LEKR1: variants seen among roughly 807,000 people sequenced by gnomAD.
The protein encoded by LEKR1 is leucine, glutamate and lysine rich 1, also known as protein LEKR1.
In LEKR1, 59 loss-of-function variants were observed where a neutral mutation model predicts 72.4. The ratio of observed to expected loss-of-function variants is 0.82; its 90% CI spans 0.66 to 1.01. The LOEUF (loss-of-function observed/expected upper bound fraction) is 1.01, where lower values mean the gene tolerates loss of function less well. Among genes scored for constraint, LEKR1 ranks in the 50% least tolerant of loss-of-function variants. LEKR1 has a pLI of 0.00. For missense variants in LEKR1, 728 were observed against 759.2 expected (o/e 0.96, Z 0.48); for synonymous variants, 257 against 263.2 (o/e 0.98, Z 0.23).
In LEKR1 at chr3:157,017,948, CAAAAAAAAA is replaced by C. The variant is rs58950224; in HGVS notation, c.1203+6458_1203+6466del. Among the ~76,000 whole-genome samples the C allele has an allele frequency of 2.4e-4, 20 of 82,974 alleles. No individual in the cohort carries two copies. In the South Asian group the frequency reaches 5.8e-3, roughly 24 times the overall value. 54.4% of individuals were successfully genotyped at this position (82,974 alleles called of 152,430 possible). Reference sequence around the variant, plus strand: ...TGGGCCACAGAGCGAGACTCTGTCTCAAAAAAAAAAAAAAAAAAAAAAAAGAAAGCTGGA... The same window carrying C: ...TGGGCCACAGAGCGAGACTCTGTCTCAAAAAAAAAAAAAAAGAAAGCTGGA... On this transcript the variant is annotated intron_variant, in intron 10 of 12. Transcript: ENST00000356539.
At chr3:157,045,289 T>C (rs754711005) in intron 12 of LEKR1, 51 bp from the exon 13 acceptor site, 11 of 1,435,090 alleles carry the variant, frequency 7.7e-6, no homozygotes, top group South Asian at 1.3e-5. Flanking sequence ...TATCTACTTA[T>C]GTACATTGTT....
intron 3 of LEKR1, among the ~76,000 whole-genome samples, chr3:156,874,126 T>C (rs573791184): frequency 6.6e-6 from 1 of 152,102 alleles, no homozygotes; most frequent in Non-Finnish European, 1.5e-5. Flanking sequence ...CTCGTCTACT[T>C]GATCTACTCT....
intron 2 of LEKR1, among the ~76,000 whole-genome samples, chr3:156,849,817 C>T (rs1369716294): frequency 6.6e-6 from 1 of 152,046 alleles, no homozygotes; most frequent in Non-Finnish European, 1.5e-5. Flanking sequence ...AGAAGAAAAC[C>T]TAGGCAATAC....
chr3:156,965,399 A>G (rs1326963205), intron 6 of LEKR1, among the ~76,000 whole-genome samples: 1 of 152,158 alleles, frequency 6.6e-6, no homozygotes, highest in Non-Finnish European at 1.5e-5. Context: ...TTCTGAAGTG[A>G]AAGTGTTGGT....
intron 6 of LEKR1, among the ~76,000 whole-genome samples, chr3:156,961,937 A>G: frequency 6.6e-6 from 1 of 152,224 alleles, no homozygotes; most frequent in East Asian, 1.9e-4. Flanking sequence ...TATTTAGTAT[A>G]CAAGCATTCA....
At chr3:157,025,718 T>C (rs1036976810) in intron 11 of LEKR1, among the ~76,000 whole-genome samples, 2 of 152,304 alleles carry the variant, frequency 1.3e-5, no homozygotes, top group South Asian at 2.1e-4. Context: ...GCTTTGCAGA[T>C]ACTACCTTGA....
intron 2 of LEKR1, among the ~76,000 whole-genome samples, chr3:156,838,425 C>T (rs1309639768): frequency 1.3e-5 from 2 of 152,148 alleles, no homozygotes; most frequent in Non-Finnish European, 2.9e-5. Flanking sequence ...CTGAACTAAC[C>T]TCTTATTCTC....
At chr3:156,992,441 T>G (rs929767233) in intron 7 of LEKR1, among the ~76,000 whole-genome samples, 6 of 152,000 alleles carry the variant, frequency 3.9e-5, no homozygotes, top group Admixed American at 1.3e-4. Flanking sequence ...TTTTTTAGTG[T>G]TGTGCAGTTT....
At chr3:157,012,955 A>G (rs994541647) in intron 10 of LEKR1, among the ~76,000 whole-genome samples, 3 of 152,126 alleles carry the variant, frequency 2.0e-5, no homozygotes, top group African/African-American at 7.2e-5. Context: ...AATCCAAAAT[A>G]TTCATATTAG....
At chr3:156,945,739 T>C (rs1726618057) in intron 6 of LEKR1, among the ~76,000 whole-genome samples, 2 of 151,702 alleles carry the variant, frequency 1.3e-5, no homozygotes. Context: ...TTGGCACTCT[T>C]GTCAAAAATT....
chr3:156,959,669 A>G lies in LEKR1; in HGVS notation c.745+16955A>G, dbSNP rs534898545. Among the ~76,000 whole-genome samples, 116 of 152,112 alleles carry G rather than the reference A, an allele frequency of 7.6e-4. 2 individuals are homozygous for G. The South Asian group carries it at 0.022, about 29-fold the overall frequency. On this transcript the variant is annotated intron_variant, in intron 6 of 12. Transcript: ENST00000356539. The stretch of plus-strand genomic sequence containing the variant: ...TCTATACTGTGGCCTTTTATTATCC[A>G]TGCCTTTAGTTGTTCCTTATTCTTT...
At chr3:156,926,970 A>T (rs917200970) in intron 4 of LEKR1, among the ~76,000 whole-genome samples, 1 of 151,944 alleles carries the variant, frequency 6.6e-6, no homozygotes, top group Non-Finnish European at 1.5e-5. Context: ...AAGCAAATGC[A>T]CTGGATCAGT....
chr3:157,039,838 G>T (rs1288886694), intron 12 of LEKR1, among the ~76,000 whole-genome samples: 1 of 152,218 alleles, frequency 6.6e-6, no homozygotes, highest in African/African-American at 2.4e-5. Flanking sequence ...CTATGAGAAT[G>T]GAGAAGCCAA....
chr3:156,887,916 A>T (rs1720270981), intron 3 of LEKR1, among the ~76,000 whole-genome samples: 1 of 152,160 alleles, frequency 6.6e-6, no homozygotes, highest in Non-Finnish European at 1.5e-5. Context: ...GAATAATTAT[A>T]TGTGTTTTAT....
chr3:156,980,784 T>G (rs1008919122), intron 7 of LEKR1, among the ~76,000 whole-genome samples: 1 of 152,170 alleles, frequency 6.6e-6, no homozygotes, highest in African/African-American at 2.4e-5. Flanking sequence ...TTAGCATATA[T>G]AGTGGAGTCT....
intron 5 of LEKR1, among the ~76,000 whole-genome samples, chr3:156,932,868 A>G (rs1175473527): frequency 6.6e-6 from 1 of 151,938 alleles, no homozygotes; most frequent in Non-Finnish European, 1.5e-5. Context: ...GTCTCTACTA[A>G]AAATACAAAA....
chr3:156,880,714 C>T (rs1196948277), intron 3 of LEKR1, among the ~76,000 whole-genome samples: 1 of 152,192 alleles, frequency 6.6e-6, no homozygotes, highest in African/African-American at 2.4e-5. Flanking sequence ...GAATTTTAGA[C>T]CAGTATCCTT....
intron 2 of LEKR1, among the ~76,000 whole-genome samples, chr3:156,834,590 A>G (rs1712865917): frequency 6.6e-6 from 1 of 152,210 alleles, no homozygotes; most frequent in Non-Finnish European, 1.5e-5. Context: ...CTGGTAAGTA[A>G]GTAATTTTAA....
At chr3:156,882,703 G>T (rs369274466) in intron 3 of LEKR1, among the ~76,000 whole-genome samples, 2 of 152,152 alleles carry the variant, frequency 1.3e-5, no homozygotes, top group Admixed American at 1.3e-4. Context: ...ACATGCACAC[G>T]TATTTTTATT....
Sources: gnomAD v4.1 joint callset for allele counts (sites outside exome capture counted in the v4.1 genomes callset) on GRCh38, gnomAD v4.1.1 for gene constraint, MANE v1.5 for transcripts, NCBI Gene and HGNC (gene_info 2026-07-23, HGNC 2026-07-21) for gene names.